The following NKAIN3 variants were observed in gnomAD, a reference collection of about 807,000 sequenced individuals.
NKAIN3 encodes the protein sodium/potassium-transporting ATPase subunit beta-1-interacting protein 3.
A neutral mutation model predicts 30.2 loss-of-function variants in NKAIN3; 25 were observed. That is an observed-to-expected ratio of 0.83 (90% CI 0.60 to 1.16). NKAIN3 has a LOEUF of 1.16. Among genes scored for constraint, NKAIN3 ranks in the 50% most tolerant of loss-of-function variants. The probability of loss-of-function intolerance (pLI) is 0.00; values close to 1 mark genes in which losing one functional copy is unlikely to be tolerated. For synonymous variants in NKAIN3, 91 were observed against 89.6 expected (o/e 1.02, Z -0.09); for missense variants, 225 against 254.1 (o/e 0.89, Z 0.78).
At chr8:62,326,240 AT>A (rs1815123294) in intron 1 of NKAIN3, among the ~76,000 whole-genome samples, 10 of 151,950 alleles carry the variant, frequency 6.6e-5, no homozygotes, top group African/African-American at 2.4e-4. Flanking sequence ...AGGCTATTCA[AT>A]GAGGAAAGGT....
At chr8:62,680,849 C>T (rs981428870) in intron 3 of NKAIN3, among the ~76,000 whole-genome samples, 1 of 152,026 alleles carries the variant, frequency 6.6e-6, no homozygotes, top group Non-Finnish European at 1.5e-5. Flanking sequence ...TTAATTGTAA[C>T]CAATTTTGCT....
intron 1 of NKAIN3, among the ~76,000 whole-genome samples, chr8:62,471,818 G>A (rs972076008): frequency 8.5e-5 from 13 of 152,138 alleles, no homozygotes; most frequent in South Asian, 2.1e-4. Flanking sequence ...GTGCTGGAGC[G>A]TGCCTGTAGT....
At chr8:62,897,625 A>G (rs1208199966) in intron 4 of NKAIN3, among the ~76,000 whole-genome samples, 2 of 151,966 alleles carry the variant, frequency 1.3e-5, no homozygotes, top group Admixed American at 6.6e-5. Context: ...CCCTGCCAAA[A>G]CTCATGTTGA....
At chr8:62,285,078 TG>T (rs1282870020) in intron 1 of NKAIN3, among the ~76,000 whole-genome samples, 4 of 152,166 alleles carry the variant, frequency 2.6e-5, no homozygotes, top group African/African-American at 9.6e-5. Context: ...GGTACTATCC[TG>T]GGGCTCTTCA....
intron 4 of NKAIN3, among the ~76,000 whole-genome samples, chr8:62,791,793 A>AT (rs57238158): frequency 0.014 from 2,096 of 152,216 alleles, 46 homozygotes; most frequent in African/African-American, 0.049. Context: ...TTCCAGAAAA[A>AT]TTAACAGCAC....
intron 1 of NKAIN3, among the ~76,000 whole-genome samples, chr8:62,467,491 T>C (rs147823207): frequency 1.7e-3 from 263 of 152,288 alleles, no homozygotes; most frequent in African/African-American, 5.9e-3. Flanking sequence ...AAAAATATAA[T>C]TGGCTCTGTC....
intron 1 of NKAIN3, among the ~76,000 whole-genome samples, chr8:62,292,096 C>A (rs893466478): frequency 6.6e-6 from 1 of 151,950 alleles, no homozygotes; most frequent in Non-Finnish European, 1.5e-5. Context: ...CTTGGTAGAT[C>A]TTCCTCCATC....
At chr8:62,325,669 G>A (rs941839199) in intron 1 of NKAIN3, among the ~76,000 whole-genome samples, 1 of 151,882 alleles carries the variant, frequency 6.6e-6, no homozygotes, top group Non-Finnish European at 1.5e-5. Context: ...TTTAATTATG[G>A]TCATTCTTAC....
In NKAIN3 at chr8:62,249,023, C is replaced by T. The variant is rs1479319923; in HGVS notation, c.-51C>T. The T allele has an allele frequency of 4.7e-6, 7 of 1,494,140 alleles. No individual in the cohort carries two copies. The Admixed American group carries it at 8.0e-5, about 17-fold the overall frequency. The allele number at this position is 1,494,140 out of a possible 1,614,324, so 92.6% of individuals were successfully genotyped here. ...CTCCGGAGTCAGGAGGCAGCAGCGG[C>T]GGAGGACGAGGATCTCTGGCAGTCA... On this transcript the variant is annotated 5_prime_UTR_variant, in exon 1 of 7. Coordinates refer to ENST00000623646, the MANE Select transcript of NKAIN3 (RefSeq NM_001304533.3).
At chr8:62,527,683 G>A (rs1328675879) in intron 1 of NKAIN3, among the ~76,000 whole-genome samples, 1 of 152,028 alleles carries the variant, frequency 6.6e-6, no homozygotes, top group African/African-American at 2.4e-5. Context: ...TTTAGAAAAT[G>A]TATTATTATA....
rs116231329 is a variant in NKAIN3 at position 62,675,284 on chromosome 8, T to C, written c.274-71648T>C. ...GTCAATTCAATTACATTGCCAAATATCACTGATTTATGCTCCTTTATTCAT... is the reference window on the plus strand; with the variant it reads ...GTCAATTCAATTACATTGCCAAATACCACTGATTTATGCTCCTTTATTCAT... On this transcript the variant is annotated intron_variant, in intron 3 of 6. Transcript: ENST00000623646. Among the ~76,000 whole-genome samples, 625 of 152,326 alleles carry C rather than the reference T, an allele frequency of 4.1e-3. 5 individuals carry two copies. The highest frequency in any genetic ancestry group is 0.014 in the African/African-American group (588 of 41,566).
At chr8:62,778,015 G>A (rs997276121) in intron 4 of NKAIN3, among the ~76,000 whole-genome samples, 4 of 152,064 alleles carry the variant, frequency 2.6e-5, no homozygotes, top group African/African-American at 9.7e-5. Context: ...TAGATTATCA[G>A]GCAGAAACTC....
rs189466447 is a variant in NKAIN3, at chr8:62,553,257, T to C, written c.55-26282T>C. Among the ~76,000 whole-genome samples, 63 of 152,310 alleles carry C rather than the reference T, an allele frequency of 4.1e-4. No homozygotes were observed. In the East Asian group the frequency reaches 0.012, roughly 29 times the overall value. The stretch of plus-strand genomic sequence containing the variant: ...ACTTTATTTATTACTAAATCTATTA[T>C]GATTTAAAGCAAGATTGCCCACTAA... On this transcript the variant is annotated intron_variant, in intron 1 of 6. Coordinates refer to ENST00000623646, the MANE Select transcript of NKAIN3 (RefSeq NM_001304533.3).
chr8:62,950,567 C>T (rs535197308), intron 5 of NKAIN3, among the ~76,000 whole-genome samples: 57 of 152,118 alleles, frequency 3.7e-4, no homozygotes, highest in African/African-American at 1.3e-3. Flanking sequence ...GAGTTTACAA[C>T]ATTTACATCA....
intron 4 of NKAIN3, among the ~76,000 whole-genome samples, chr8:62,807,927 G>A (rs1049120008): frequency 1.3e-5 from 2 of 151,464 alleles, no homozygotes; most frequent in Non-Finnish European, 2.9e-5. Context: ...ATATGTTTTA[G>A]AATGAATACT....
chr8:62,903,801 C>G (rs1438713338), intron 4 of NKAIN3, among the ~76,000 whole-genome samples: 3 of 152,082 alleles, frequency 2.0e-5, no homozygotes, highest in Non-Finnish European at 4.4e-5. Context: ...GCAGAAGGCA[C>G]CTTTTCACAG....
At chr8:62,590,944 G>A (rs537762533) in intron 3 of NKAIN3, among the ~76,000 whole-genome samples, 9 of 151,912 alleles carry the variant, frequency 5.9e-5, no homozygotes, top group Non-Finnish European at 1.2e-4. Context: ...TTAAATAATT[G>A]TGCTAGCGAT....
rs527927176 is a variant in NKAIN3 at position 62,399,932 on chromosome 8, A to G, written c.54+150805A>G. Among the ~76,000 whole-genome samples, 293 of 152,292 alleles carry G rather than the reference A, an allele frequency of 1.9e-3. 2 individuals are homozygous for G. Among genetic ancestry groups the G allele is most frequent in the African/African-American group, 6.5e-3 (272 of 41,564 alleles). ...AAAAACTGAGACAATGGTCTAATATAGGGGAGACAGTGTGGATGACACAGG... is the reference window on the plus strand; with the variant it reads ...AAAAACTGAGACAATGGTCTAATATGGGGGAGACAGTGTGGATGACACAGG... On this transcript the variant is annotated intron_variant, in intron 1 of 6. Transcript: ENST00000623646.
At chr8:62,338,606 A>G (rs191206538) in intron 1 of NKAIN3, among the ~76,000 whole-genome samples, 48 of 152,070 alleles carry the variant, frequency 3.2e-4, no homozygotes, top group African/African-American at 1.2e-3. Context: ...ATATATATAG[A>G]GAGAGGGGAG....
Sources: allele counts gnomAD v4.1 joint callset (sites outside exome capture counted in the v4.1 genomes callset), GRCh38; gene constraint gnomAD v4.1.1; transcripts MANE v1.5; gene names NCBI Gene and HGNC (gene_info 2026-07-23, HGNC 2026-07-21).